Variants in KCND2 observed in about 807,000 individuals in gnomAD.
The protein encoded by KCND2 is A-type voltage-gated potassium channel KCND2.
A neutral mutation model predicts 54.4 loss-of-function variants in KCND2; 16 were observed. The observed-to-expected ratio is 0.29, with a 90% CI of 0.20 to 0.45. The LOEUF is 0.45. KCND2 is among the 20% of genes least tolerant of loss of function. The probability of loss-of-function intolerance (pLI) is 1.00; values close to 1 mark genes in which losing one functional copy is unlikely to be tolerated. For missense variants in KCND2, 486 were observed against 824.2 expected, an observed-to-expected ratio of 0.59 and a Z score of 5.02; for synonymous variants, 317 against 310.7, an observed-to-expected ratio of 1.02 and a Z score of -0.21.
chr7:120,693,503 A>G (rs886952670), intron 1 of KCND2, among the ~76,000 whole-genome samples: 8 of 152,122 alleles, frequency 5.3e-5, no homozygotes, highest in African/African-American at 1.9e-4. Flanking sequence ...ATATTTTTAA[A>G]TGGATAATGA....
intron 1 of KCND2, among the ~76,000 whole-genome samples, chr7:120,680,415 A>G (rs144826168): frequency 3.7e-4 from 57 of 152,270 alleles, no homozygotes; most frequent in African/African-American, 1.3e-3. Context: ...CATGAGGGCA[A>G]CAACTGTTTC....
Position 120,461,500 on chromosome 7 carries a change from G to A in KCND2, c.1115+185753G>A, listed in dbSNP as rs551597156. On this transcript the variant is annotated intron_variant, in intron 1 of 5. Coordinates refer to ENST00000331113, the MANE Select transcript of KCND2 (RefSeq NM_012281.3). ...AGATTCTTACACCAATGCCCTATTC[G>A]AGACTACATGGCTCTGTTTATGAGC... is the stretch of plus-strand genomic sequence containing the variant. Among the ~76,000 whole-genome samples the A allele has an allele frequency of 3.9e-4, 60 of 152,108 alleles. No individual in the cohort carries two copies. In the South Asian group the frequency reaches 8.5e-3, roughly 22 times the overall value.
At chr7:120,332,291 T>C (rs780258678) in intron 1 of KCND2, among the ~76,000 whole-genome samples, 1 of 152,060 alleles carries the variant, frequency 6.6e-6, no homozygotes, top group African/African-American at 2.4e-5. Context: ...CATTTTAAAA[T>C]GTTCATAACT....
chr7:120,315,164 A>C (rs1799795156), intron 1 of KCND2, among the ~76,000 whole-genome samples: 1 of 152,202 alleles, frequency 6.6e-6, no homozygotes, highest in African/African-American at 2.4e-5. Flanking sequence ...CAAGCTTGAA[A>C]GAATCGAATC....
chr7:120,282,018 G>C (rs1278027584), intron 1 of KCND2, among the ~76,000 whole-genome samples: 2 of 152,110 alleles, frequency 1.3e-5, no homozygotes, highest in Non-Finnish European at 2.9e-5. Context: ...ACTCTGCAAA[G>C]GCTAGAATTA....
At chr7:120,379,548 G>C (rs1332956041) in intron 1 of KCND2, among the ~76,000 whole-genome samples, 2 of 152,036 alleles carry the variant, frequency 1.3e-5, no homozygotes, top group Non-Finnish European at 2.9e-5. Context: ...CTTTCTTTAA[G>C]TCATTCTTAA....
At chr7:120,709,942 T>C (rs1792517522) in intron 1 of KCND2, among the ~76,000 whole-genome samples, 3 of 152,130 alleles carry the variant, frequency 2.0e-5, no homozygotes, top group African/African-American at 7.2e-5. Context: ...ATTGTCCCAT[T>C]GCATTTCACT....
intron 1 of KCND2, among the ~76,000 whole-genome samples, chr7:120,300,349 A>G (rs937816498): frequency 3.3e-5 from 5 of 152,148 alleles, no homozygotes; most frequent in Non-Finnish European, 7.4e-5. Context: ...GGAACTAACT[A>G]GTATGTCCAT....
intron 1 of KCND2, among the ~76,000 whole-genome samples, chr7:120,645,887 A>G (rs1793436683): frequency 6.6e-6 from 1 of 152,240 alleles, no homozygotes; most frequent in African/African-American, 2.4e-5. Context: ...AGATAAAGAC[A>G]TGAACTCAGT....
intron 1 of KCND2, among the ~76,000 whole-genome samples, chr7:120,341,112 T>G (rs933392853): frequency 5.3e-5 from 8 of 152,158 alleles, no homozygotes; most frequent in Non-Finnish European, 1.2e-4. Context: ...TGGGTACATA[T>G]ATGAGGCTGT....
At chr7:120,705,743 T>A (rs367767811) in intron 1 of KCND2, among the ~76,000 whole-genome samples, 1 of 152,084 alleles carries the variant, frequency 6.6e-6, no homozygotes, top group African/African-American at 2.4e-5. Flanking sequence ...AAAGCATTAG[T>A]GTTAATAAGG....
chr7:120,451,311 A>T (rs534088248), intron 1 of KCND2, among the ~76,000 whole-genome samples: 6 of 152,206 alleles, frequency 3.9e-5, no homozygotes, highest in East Asian at 3.9e-4. Flanking sequence ...GTTATTAAAA[A>T]ATATATATAT....
intron 1 of KCND2, among the ~76,000 whole-genome samples, chr7:120,535,887 G>A (rs779284168): frequency 3.9e-5 from 6 of 152,022 alleles, no homozygotes; most frequent in Admixed American, 6.6e-5. Context: ...GATTGTTTTC[G>A]TGTGTGTGTG....
At chr7:120,311,615 G>A (rs556200872) in intron 1 of KCND2, among the ~76,000 whole-genome samples, 1 of 152,060 alleles carries the variant, frequency 6.6e-6, no homozygotes, top group Non-Finnish European at 1.5e-5. Flanking sequence ...GTGCTGGTTT[G>A]TTACATAGGT....
chr7:120,400,441 C>T (rs925539672), intron 1 of KCND2, among the ~76,000 whole-genome samples: 16 of 152,128 alleles, frequency 1.1e-4, no homozygotes, highest in Admixed American at 4.6e-4. Flanking sequence ...GAAAGTAACA[C>T]GTTTCCATGT....
intron 1 of KCND2, among the ~76,000 whole-genome samples, chr7:120,405,312 A>G (rs565126547): frequency 2.0e-5 from 3 of 152,262 alleles, no homozygotes; most frequent in South Asian, 2.1e-4. Flanking sequence ...TGTCACTGTG[A>G]TATCTAATGT....
chr7:120,648,496 A>C (rs1295186884), intron 1 of KCND2, among the ~76,000 whole-genome samples: 1 of 152,198 alleles, frequency 6.6e-6, no homozygotes, highest in African/African-American at 2.4e-5. Context: ...ACAAGAGTAC[A>C]GTCAACAAGA....
At chr7:120,355,537 G>T (rs1034927197) in intron 1 of KCND2, among the ~76,000 whole-genome samples, 3 of 151,684 alleles carry the variant, frequency 2.0e-5, no homozygotes, top group Non-Finnish European at 2.9e-5. Flanking sequence ...GACAGAGTGA[G>T]ACTCTGTCTC....
At chr7:120,746,570 TAAGTG>T (rs1793010825) in intron 5 of KCND2, among the ~76,000 whole-genome samples, 1 of 152,100 alleles carries the variant, frequency 6.6e-6, no homozygotes, top group East Asian at 1.9e-4. Context: ...ATACAAAAAA[TAAGTG>T]AAGTACTAAA....
Sources: gnomAD v4.1 joint callset for allele counts (sites outside exome capture counted in the v4.1 genomes callset) on GRCh38, gnomAD v4.1.1 for gene constraint, MANE v1.5 for transcripts, NCBI Gene and HGNC (gene_info 2026-07-23, HGNC 2026-07-21) for gene names.